MTOR: variants seen among roughly 807,000 people sequenced by gnomAD.
The protein encoded by MTOR is serine/threonine-protein kinase mTOR.
In MTOR, 70 loss-of-function variants were observed where a neutral mutation model predicts 319.8. That is an observed-to-expected ratio of 0.22 (90% confidence interval 0.18 to 0.27). The LOEUF (loss-of-function observed/expected upper bound fraction) is 0.27. Ranked by LOEUF, MTOR falls within the 10% of genes least tolerant of loss-of-function variation. The pLI is 1.00. For synonymous variants in MTOR, 1,183 were observed against 1,211.4 expected, an observed-to-expected ratio of 0.98 and a Z score of 0.49; for missense variants, 1,890 against 3,274.4, an observed-to-expected ratio of 0.58 and a Z score of 10.32.
intron 31 of MTOR, chr1:11,149,477 A>G (rs1476597701): frequency 6.6e-6 from 1 of 152,284 alleles, no homozygotes; most frequent in East Asian, 1.9e-4. Flanking sequence ...AGACCCTTCT[A>G]GACCTTCCCT....
At chr1:11,181,285 G>A (rs950192718) in intron 28 of MTOR, among the ~76,000 whole-genome samples, 1 of 152,022 alleles carries the variant, frequency 6.6e-6, no homozygotes, top group Non-Finnish European at 1.5e-5. Flanking sequence ...AAAAAGTGAT[G>A]AGACACAGCC....
At chr1:11,241,907 A>T (rs1648089563) in intron 9 of MTOR, among the ~76,000 whole-genome samples, 1 of 152,180 alleles carries the variant, frequency 6.6e-6, no homozygotes, top group South Asian at 2.1e-4. Flanking sequence ...GTCTTAAGGA[A>T]GGGGCCTTTT....
At chr1:11,213,874 C>T (rs539867726) in intron 20 of MTOR, among the ~76,000 whole-genome samples, 1 of 152,364 alleles carries the variant, frequency 6.6e-6, no homozygotes, top group South Asian at 2.1e-4. Context: ...CTAGACCTGG[C>T]TCTAGCCTCA....
At chr1:11,108,375 A>C (rs1223831810) in intron 56 of MTOR, 89 bp from the exon 57 acceptor site, 1 of 1,040,734 alleles carries the variant, frequency 9.6e-7, no homozygotes, top group Admixed American at 1.8e-5. Flanking sequence ...CTATGCCAAC[A>C]GCTTATCGTC....
At chr1:11,242,500 C>CAAAAAAAAAAAAAAAAAAA (rs70977555) in intron 9 of MTOR, among the ~76,000 whole-genome samples, 2 of 52,630 alleles carry the variant, frequency 3.8e-5, no homozygotes, top group Non-Finnish European at 6.3e-5. Flanking sequence ...GACTCCATCT[C>CAAAAAAAAAAAAAAAAAAA]AAAAAAAAAA....
chr1:11,139,837 G>A (rs113595701), intron 34 of MTOR, among the ~76,000 whole-genome samples, 179 bp from the exon 35 acceptor site: 7 of 152,156 alleles, frequency 4.6e-5, no homozygotes, highest in African/African-American at 1.4e-4. Flanking sequence ...GATTACAGGC[G>A]TGTGCCATCA....
rs1362783735 is a variant in MTOR, at chr1:11,124,480, T to G, written c.6662+18A>C. On this transcript the variant is annotated intron_variant, in intron 47 of 57. Transcript: ENST00000361445. ...AGAAGACTTCTCAAATTGTTGCCAT[T>G]TCAGGGTTTCTGAATACCTGAGGTT... is the stretch of plus-strand genomic sequence containing the variant. 1 of 1,595,724 alleles carries G rather than the reference T, an allele frequency of 6.3e-7. No individual in the cohort carries two copies. The highest frequency in any genetic ancestry group is 2.3e-5 in the East Asian group (1 of 44,332).
chr1:11,230,644 G>C (rs576494393), intron 18 of MTOR, among the ~76,000 whole-genome samples: 1 of 152,276 alleles, frequency 6.6e-6, no homozygotes, highest in African/African-American at 2.4e-5. Context: ...AGGTGATGGG[G>C]TGATAATGTG....
intron 19 of MTOR, 36 bp from the exon 20 acceptor site, chr1:11,216,270 G>C (rs1646466243): frequency 1.3e-6 from 2 of 1,525,760 alleles, no homozygotes; most frequent in African/African-American, 2.7e-5. Context: ...CTGGTATCAT[G>C]AAGGACATTG....
intron 28 of MTOR, among the ~76,000 whole-genome samples, chr1:11,179,133 T>C (rs979471496): frequency 1.3e-5 from 2 of 152,220 alleles, no homozygotes; most frequent in African/African-American, 4.8e-5. Flanking sequence ...CCAGAAATGT[T>C]TGGAGAGACC....
intron 20 of MTOR, among the ~76,000 whole-genome samples, chr1:11,215,154 T>C (rs984945405): frequency 3.3e-5 from 5 of 152,198 alleles, no homozygotes; most frequent in African/African-American, 4.8e-5. Context: ...TATGGTCATA[T>C]TGTATCCTTG....
intron 13 of MTOR, among the ~76,000 whole-genome samples, chr1:11,237,186 C>T (rs1403551259): frequency 6.6e-6 from 1 of 152,160 alleles, no homozygotes; most frequent in African/African-American, 2.4e-5. Flanking sequence ...GTGGAAATAA[C>T]TTCACCAGGC....
chr1:11,194,596 G>A (rs763993107), intron 28 of MTOR: 2 of 1,614,060 alleles, frequency 1.2e-6, no homozygotes, highest in African/African-American at 2.7e-5. Context: ...TAACAACACA[G>A]CCTTCAGCAC....
chr1:11,130,104 G>A lies in MTOR; in HGVS notation c.5614-266C>T, dbSNP rs1338534514. ...GGTGGAGCTGAGGCTCTGAACACCC[G>A]GATCTCTGGGCCTGCCAGCGGCCCT... On this transcript the variant is annotated intron_variant, in intron 39 of 57. Transcript: ENST00000361445. 3.3e-5 allele frequency among the ~76,000 whole-genome samples: 5 copies of A among 152,306 alleles called. No homozygotes were observed. In the South Asian group the frequency reaches 6.2e-4, roughly 19 times the overall value.
intron 26 of MTOR, among the ~76,000 whole-genome samples, chr1:11,203,970 C>T (rs1038241339): frequency 1.1e-5 from 1 of 87,970 alleles, no homozygotes; most frequent in African/African-American, 2.7e-5. Context: ...TGTGAGAAGG[C>T]CCAAGCAAAC....
chr1:11,178,068 T>C (rs1364947995), intron 28 of MTOR, among the ~76,000 whole-genome samples: 2 of 152,200 alleles, frequency 1.3e-5, no homozygotes, highest in African/African-American at 4.8e-5. Flanking sequence ...CTCCCACTGA[T>C]AGATCCCATG....
At chr1:11,195,234 T>C (rs1245864053) in intron 28 of MTOR, 1 of 548,368 alleles carries the variant, frequency 1.8e-6, no homozygotes, top group East Asian at 3.1e-5. Context: ...ACCCACTGGG[T>C]CCTGCCACAT....
chr1:11,173,286 G>A (rs188819021), intron 28 of MTOR, among the ~76,000 whole-genome samples: 1 of 151,908 alleles, frequency 6.6e-6, no homozygotes, highest in Admixed American at 6.6e-5. Context: ...GAGCCACCTC[G>A]CCTAGCCCAC....
At chr1:11,231,238 C>A in intron 17 of MTOR, 62 bp downstream of exon 17, 1 of 1,605,696 alleles carries the variant, frequency 6.2e-7, no homozygotes, top group Non-Finnish European at 8.5e-7. Flanking sequence ...ATGCTGCAAC[C>A]ATCTCTCTCT....
Sources: gnomAD v4.1 joint callset for allele counts (sites outside exome capture counted in the v4.1 genomes callset) on GRCh38, gnomAD v4.1.1 for gene constraint, MANE v1.5 for transcripts, NCBI Gene and HGNC (gene_info 2026-07-23, HGNC 2026-07-21) for gene names.